GAL: variants seen among roughly 807,000 people sequenced by gnomAD.
GAL encodes the protein galanin peptides.
Under a neutral mutation model 15.8 loss-of-function variants are expected in GAL, and 14 were observed. The ratio of observed to expected loss-of-function variants is 0.89; its 90% confidence interval spans 0.59 to 1.39. The LOEUF (loss-of-function observed/expected upper bound fraction) is 1.39. GAL is among the 40% of genes most tolerant of loss of function. The pLI is 0.00. For synonymous variants in GAL, 79 were observed against 73.8 expected (o/e 1.07, Z -0.36); for missense variants, 176 against 170.4 (o/e 1.03, Z -0.18).
chr11:68,689,142 G>C (rs1045795673), intron 5 of GAL, among the ~76,000 whole-genome samples: 13 of 152,124 alleles, frequency 8.5e-5, no homozygotes, highest in Non-Finnish European at 1.8e-4. Context: ...CTACCGTCGT[G>C]GAGGGCCATC....
chr11:68,685,490 G>A (rs1347960771), intron 2 of GAL, 104 bp from the exon 3 acceptor site: 2 of 783,870 alleles, frequency 2.6e-6, no homozygotes, highest in Non-Finnish European at 4.5e-6. Flanking sequence ...AAAAGCACAT[G>A]CATTGTTCTA....
chr11:68,689,189 G>A (rs1308313532), intron 5 of GAL, among the ~76,000 whole-genome samples: 1 of 152,128 alleles, frequency 6.6e-6, no homozygotes, highest in Non-Finnish European at 1.5e-5. Flanking sequence ...GTGGGCCTCA[G>A]GGTGCAGCTC....
chr11:68,690,526 G>GCT (rs1368769893), intron 5 of GAL, among the ~76,000 whole-genome samples: 1 of 152,152 alleles, frequency 6.6e-6, no homozygotes, highest in Admixed American at 6.5e-5. Context: ...CTCTGTTGGA[G>GCT]CCCAGTGGAG....
intron 2 of GAL, 54 bp downstream of exon 2, chr11:68,685,058 C>T: frequency 8.3e-7 from 1 of 1,207,036 alleles, no homozygotes; most frequent in Non-Finnish European, 1.2e-6. Context: ...GCCGGCCGGG[C>T]GTGGAGGGCT....
chr11:68,686,539 T>C (rs1945854434), intron 3 of GAL, among the ~76,000 whole-genome samples: 1 of 152,224 alleles, frequency 6.6e-6, no homozygotes, highest in Admixed American at 6.5e-5. Context: ...AGTCCCAGAG[T>C]CGAATACAGC....
chr11:68,688,919 T>C lies in GAL; in HGVS notation c.294T>C (p.His98=), dbSNP rs775682695. ...RTIIEFLSFL[H]LKEAGALDRL... is the part of the protein sequence containing the mutation. ...TCATTGAGTTTCTGTCTTTCTTGCA[T>C]CTCAAAGGTATGTGAAATATCATCA... The change falls in exon 5 of 6, where the codon CAT becomes CAC. Residue 98 remains histidine, a synonymous_variant. Coordinates refer to ENST00000265643, the MANE Select transcript of GAL (RefSeq NM_015973.5). 6 of 1,486,052 alleles carry C rather than the reference T, an allele frequency of 4.0e-6. No homozygotes were observed. In the African/African-American group the frequency reaches 8.3e-5, roughly 20 times the overall value. The allele number at this position is 1,486,052 out of a possible 1,614,324, so 92.1% of individuals were successfully genotyped here. A position where few individuals can be genotyped will look rare whatever the true frequency, so the allele number is the denominator to read the frequency against.
At chr11:68,689,199 C>T (rs1945883093) in intron 5 of GAL, among the ~76,000 whole-genome samples, 1 of 152,086 alleles carries the variant, frequency 6.6e-6, no homozygotes, top group South Asian at 2.1e-4. Flanking sequence ...GGGTGCAGCT[C>T]ATTCTACTGG....
At chr11:68,689,738 A>G (rs1040190469) in intron 5 of GAL, among the ~76,000 whole-genome samples, 23 of 152,188 alleles carry the variant, frequency 1.5e-4, no homozygotes, top group African/African-American at 5.5e-4. Flanking sequence ...ATAGAAGCCC[A>G]TATCTTAGAC....
chr11:68,684,716 C>G lies in GAL; in HGVS notation c.-17C>G, dbSNP rs904974950. 2.3e-6 allele frequency: 1 copy of G among 426,582 alleles called. No individual in the cohort carries two copies. Among genetic ancestry groups the G allele is most frequent in the African/African-American group, 2.1e-5 (1 of 48,340 alleles). 26.4% of individuals were successfully genotyped at this position (426,582 alleles called of 1,614,324 possible). ...CGGACCCCGACGCTCCGAACCCGGG[C>G]GCAGCCGCAGCTCAAGGTACTACTG... On this transcript the variant is annotated 5_prime_UTR_variant, in exon 1 of 6. Coordinates refer to ENST00000265643, the MANE Select transcript of GAL (RefSeq NM_015973.5).
chr11:68,686,256 C>G (rs1490718856), intron 3 of GAL, among the ~76,000 whole-genome samples: 1 of 152,222 alleles, frequency 6.6e-6, no homozygotes, highest in Non-Finnish European at 1.5e-5. Context: ...GCCCCCGCCC[C>G]TGTCCCAGGC....
intron 2 of GAL, 142 bp from the exon 3 acceptor site, chr11:68,685,452 G>A (rs1268921119): frequency 1.3e-5 from 9 of 671,972 alleles, no homozygotes; most frequent in Non-Finnish European, 1.9e-5. Flanking sequence ...CCGACTTAGG[G>A]GTAAACCTGG....
rs1374601722 is a variant in GAL at position 68,686,252 on chromosome 11, G to A, written c.136+604G>A. Among the ~76,000 whole-genome samples, 19 of 151,870 alleles carry A rather than the reference G, an allele frequency of 1.3e-4. 1 individual carries two copies. The highest frequency in any genetic ancestry group is 4.2e-4 in the South Asian group (2 of 4,810). On this transcript the variant is annotated intron_variant, in intron 3 of 5. Transcript: ENST00000265643. Reference sequence around the variant, plus strand: ...CTGACACCTCCCCGTGTCCGCCCCCGCCCCTGTCCCAGGCCTCTACTTTCT... The same window carrying A: ...CTGACACCTCCCCGTGTCCGCCCCCACCCCTGTCCCAGGCCTCTACTTTCT...
intron 4 of GAL, 136 bp from the exon 5 acceptor site, chr11:68,688,713 A>G: frequency 1.6e-6 from 1 of 622,802 alleles, no homozygotes; most frequent in Non-Finnish European, 2.9e-6. Flanking sequence ...GGCCTTGGAA[A>G]GCACAGCAGG....
At chr11:68,685,519 G>A (rs915234224) in intron 2 of GAL, 75 bp from the exon 3 acceptor site, 1 of 1,009,470 alleles carries the variant, frequency 9.9e-7, no homozygotes, top group African/African-American at 1.6e-5. Flanking sequence ...GCCATGCCGG[G>A]AAAGCCTGGG....
Sources: gnomAD v4.1 joint callset for allele counts (sites outside exome capture counted in the v4.1 genomes callset) on GRCh38, gnomAD v4.1.1 for gene constraint, MANE v1.5 for transcripts, NCBI Gene and HGNC (gene_info 2026-07-23, HGNC 2026-07-21) for gene names.